Variants in ST6GALNAC3 observed in about 807,000 individuals in gnomAD.
The protein encoded by ST6GALNAC3 is alpha-N-acetylgalactosaminide alpha-2,6-sialyltransferase 3.
A neutral mutation model predicts 32.7 loss-of-function variants in ST6GALNAC3; 25 were observed. The observed-to-expected ratio is 0.76, with a 90% CI of 0.56 to 1.07. The LOEUF is 1.07. Ranked by LOEUF, ST6GALNAC3 falls within the 50% of genes least tolerant of loss-of-function variation. The pLI, the probability that ST6GALNAC3 is intolerant of heterozygous loss-of-function variation, is 0.00. For synonymous variants in ST6GALNAC3, 129 were observed against 133.1 expected (o/e 0.97, Z 0.21); for missense variants, 355 against 382.4 (o/e 0.93, Z 0.60).
intron 1 of ST6GALNAC3, among the ~76,000 whole-genome samples, chr1:76,199,316 C>A (rs17098326): frequency 0.084 from 12,773 of 152,232 alleles, 589 homozygotes; most frequent in African/African-American, 0.12. Context: ...CTGCTGAATT[C>A]TGTAGAGGCT....
At chr1:76,225,247 A>T (rs965433699) in intron 1 of ST6GALNAC3, among the ~76,000 whole-genome samples, 2 of 152,198 alleles carry the variant, frequency 1.3e-5, no homozygotes, top group Admixed American at 6.5e-5. Flanking sequence ...TTTGAATCTT[A>T]TGCCTTATAT....
chr1:76,571,408 T>C lies in ST6GALNAC3; in HGVS notation c.624-56044T>C, dbSNP rs182615711. Among the ~76,000 whole-genome samples, 67 of 152,180 alleles carry C rather than the reference T, an allele frequency of 4.4e-4. No individual in the cohort carries two copies. The Middle Eastern group carries it at 0.01, about 23-fold the overall frequency. ...TTTAAAAAGGCAACTTCCGCACTTA[T>C]AAGGGACAGTAATCCTTGTGCCAGT... On this transcript the variant is annotated intron_variant, in intron 3 of 4. Transcript: ENST00000328299.
At chr1:76,105,244 A>G (rs1470361346) in intron 1 of ST6GALNAC3, among the ~76,000 whole-genome samples, 2 of 152,194 alleles carry the variant, frequency 1.3e-5, no homozygotes, top group Non-Finnish European at 2.9e-5. Flanking sequence ...ACAACCTATA[A>G]GAAGAGAAAG....
intron 2 of ST6GALNAC3, among the ~76,000 whole-genome samples, chr1:76,390,387 A>T (rs1652439268): frequency 6.6e-6 from 1 of 152,212 alleles, no homozygotes; most frequent in African/African-American, 2.4e-5. Flanking sequence ...AATAGAGATT[A>T]GTTGCCCCTC....
At chr1:76,454,241 C>G (rs1342890364) in intron 3 of ST6GALNAC3, among the ~76,000 whole-genome samples, 2 of 152,114 alleles carry the variant, frequency 1.3e-5, no homozygotes, top group Non-Finnish European at 2.9e-5. Flanking sequence ...TTCTGCCACT[C>G]TTTACCTTTT....
intron 3 of ST6GALNAC3, among the ~76,000 whole-genome samples, chr1:76,534,607 C>A (rs1663480837): frequency 6.6e-6 from 1 of 152,182 alleles, no homozygotes; most frequent in Admixed American, 6.5e-5. Context: ...CTCCTATACT[C>A]TTTCCTTTCC....
At chr1:76,520,515 C>T (rs1167520623) in intron 3 of ST6GALNAC3, among the ~76,000 whole-genome samples, 3 of 151,932 alleles carry the variant, frequency 2.0e-5, no homozygotes, top group Non-Finnish European at 4.4e-5. Flanking sequence ...AATAAACATA[C>T]TGGTCCAACC....
At chr1:76,551,057 G>A (rs1015794492) in intron 3 of ST6GALNAC3, among the ~76,000 whole-genome samples, 13 of 152,170 alleles carry the variant, frequency 8.5e-5, no homozygotes, top group African/African-American at 3.1e-4. Flanking sequence ...ACAGGTGTGA[G>A]CCACTGTGCC....
intron 1 of ST6GALNAC3, among the ~76,000 whole-genome samples, chr1:76,161,064 C>T (rs1469327164): frequency 4.6e-5 from 7 of 152,276 alleles, no homozygotes; most frequent in East Asian, 1.9e-4. Flanking sequence ...TAATTGATAA[C>T]TCTTTCTGTA....
intron 3 of ST6GALNAC3, among the ~76,000 whole-genome samples, chr1:76,461,444 A>C (rs1557441127): frequency 6.6e-6 from 1 of 152,144 alleles, no homozygotes. Flanking sequence ...CATACAATTA[A>C]ACACTTCAGA....
chr1:76,356,891 A>G (rs1269772687), intron 2 of ST6GALNAC3, among the ~76,000 whole-genome samples: 1 of 152,094 alleles, frequency 6.6e-6, no homozygotes. Flanking sequence ...TTGCGGTCTA[A>G]ACATAAGAAT....
intron 1 of ST6GALNAC3, among the ~76,000 whole-genome samples, chr1:76,122,677 G>A (rs892198749): frequency 6.6e-6 from 1 of 152,164 alleles, no homozygotes; most frequent in African/African-American, 2.4e-5. Flanking sequence ...AGCTTTTTGG[G>A]TAAGTTTAAT....
rs1003397305 is a variant in ST6GALNAC3 at position 76,412,380 on chromosome 1, T to C, written c.586T>C (p.Cys196Arg). The C allele has an allele frequency of 1.2e-6, 2 of 1,606,522 alleles. No homozygotes were observed. The highest frequency in any genetic ancestry group is 2.7e-5 in the African/African-American group (2 of 74,356). ...YVTTEKRMSY[C>R]DGVFKKETGK... ...GACCACAGAGAAGCGCATGAGTTAC[T>C]GTGATGGAGTTTTTAAGAAGGAAAC... Residue 196 changes from cysteine to arginine, a missense_variant, in exon 3 of 5, where the codon TGT (cysteine) becomes CGT (arginine). By Grantham distance (180) the Cys-to-Arg change is radical. Transcript: ENST00000328299.
In ST6GALNAC3 at chr1:76,538,041, C is replaced by T. The variant is rs182704739; in HGVS notation, c.624-89411C>T. The stretch of plus-strand genomic sequence containing the variant: ...TTATGAAGCCAGCATCATCCTGATA[C>T]CAAGACAGGGAAGAAGCACAACAAA... On this transcript the variant is annotated intron_variant, in intron 3 of 4. Coordinates refer to ENST00000328299, the MANE Select transcript of ST6GALNAC3 (RefSeq NM_152996.4). Among the ~76,000 whole-genome samples, 361 of 152,280 alleles carry T rather than the reference C, an allele frequency of 2.4e-3. 1 individual carries two copies. Among genetic ancestry groups the T allele is most frequent in the Middle Eastern group, 6.8e-3 (2 of 294 alleles).
At chr1:76,304,501 A>C (rs948281669) in intron 1 of ST6GALNAC3, among the ~76,000 whole-genome samples, 8 of 151,976 alleles carry the variant, frequency 5.3e-5, no homozygotes, top group Non-Finnish European at 8.8e-5. Context: ...GGATGGTAGA[A>C]TACAGCAAGG....
chr1:76,544,437 G>C (rs1387987574), intron 3 of ST6GALNAC3, among the ~76,000 whole-genome samples: 2 of 152,144 alleles, frequency 1.3e-5, no homozygotes, highest in East Asian at 3.9e-4. Context: ...TATGACCTGT[G>C]TGATGGCCAT....
At chr1:76,158,310 C>T (rs1651591824) in intron 1 of ST6GALNAC3, among the ~76,000 whole-genome samples, 1 of 152,028 alleles carries the variant, frequency 6.6e-6, no homozygotes, top group African/African-American at 2.4e-5. Flanking sequence ...GAGGAGGGAT[C>T]TGTGCAATGC....
chr1:76,482,061 C>T lies in ST6GALNAC3; in HGVS notation c.623+69644C>T, dbSNP rs140924748. Among the ~76,000 whole-genome samples, 941 of 152,030 alleles carry T rather than the reference C, an allele frequency of 6.2e-3. 3 individuals carry two copies. The highest frequency in any genetic ancestry group is 0.013 in the Admixed American group (194 of 15,256). ...GCACTGAAAAAGGCACACAGAATTT[C>T]CTTTAGGAGATGAGACACACCTTTT... On this transcript the variant is annotated intron_variant, in intron 3 of 4. Coordinates refer to ENST00000328299, the MANE Select transcript of ST6GALNAC3 (RefSeq NM_152996.4).
intron 2 of ST6GALNAC3, among the ~76,000 whole-genome samples, chr1:76,363,452 C>A (rs921863714): frequency 6.6e-6 from 1 of 152,178 alleles, no homozygotes; most frequent in African/African-American, 2.4e-5. Context: ...TTGTTGAAAC[C>A]ATTCAACAAG....
Sources: allele counts gnomAD v4.1 joint callset (sites outside exome capture counted in the v4.1 genomes callset), GRCh38; gene constraint gnomAD v4.1.1; transcripts MANE v1.5; gene names NCBI Gene and HGNC (gene_info 2026-07-23, HGNC 2026-07-21).